Variants in DENND1A observed in about 807,000 individuals in gnomAD.
DENND1A encodes the protein DENN domain-containing protein 1A.
A neutral mutation model predicts 113.7 loss-of-function variants in DENND1A; 51 were observed. The observed-to-expected ratio is 0.45, with a 90% confidence interval of 0.36 to 0.57. DENND1A has a LOEUF of 0.57. DENND1A is among the 20% of genes least tolerant of loss of function. DENND1A has a pLI of 0.00. For missense variants in DENND1A, 1,258 were observed against 1,395.9 expected (o/e 0.90, Z 1.57); for synonymous variants, 565 against 570.8 (o/e 0.99, Z 0.14).
chr9:123,494,025 G>A (rs577668558), intron 13 of DENND1A, among the ~76,000 whole-genome samples: 12 of 152,280 alleles, frequency 7.9e-5, no homozygotes, highest in South Asian at 6.2e-4. Context: ...AGGGGTCTGG[G>A]CAAGTAGCCA....
At chr9:123,693,665 T>C (rs969741797) in intron 5 of DENND1A, among the ~76,000 whole-genome samples, 45 of 152,170 alleles carry the variant, frequency 3.0e-4, no homozygotes, top group African/African-American at 1.0e-3. Context: ...TTCATGGCAA[T>C]AGAGTTCCAT....
At chr9:123,763,755 T>G (rs1376809197) in intron 4 of DENND1A, among the ~76,000 whole-genome samples, 1 of 152,056 alleles carries the variant, frequency 6.6e-6, no homozygotes, top group Non-Finnish European at 1.5e-5. Flanking sequence ...AGTGGTCAAC[T>G]GTATTGATGC....
chr9:123,401,116 C>T (rs545246597), intron 21 of DENND1A: 1 of 152,602 alleles, frequency 6.6e-6, no homozygotes, highest in South Asian at 2.1e-4. Flanking sequence ...CTGCTGCCAG[C>T]CTGGCTTCTC....
intron 10 of DENND1A, among the ~76,000 whole-genome samples, chr9:123,613,544 C>A (rs540583152): frequency 1.3e-5 from 2 of 152,308 alleles, no homozygotes; most frequent in Non-Finnish European, 2.9e-5. Context: ...GAAATATCTG[C>A]TTCAGTAATA....
chr9:123,702,901 C>G (rs1186564068), intron 5 of DENND1A, among the ~76,000 whole-genome samples: 1 of 152,222 alleles, frequency 6.6e-6, no homozygotes, highest in African/African-American at 2.4e-5. Flanking sequence ...TTATAATACT[C>G]TAATGCCATA....
At chr9:123,866,126 A>G (rs1359690284) in intron 2 of DENND1A, among the ~76,000 whole-genome samples, 1 of 152,232 alleles carries the variant, frequency 6.6e-6, no homozygotes, top group African/African-American at 2.4e-5. Flanking sequence ...CAAGAAGTCA[A>G]TTCTATCATT....
At chr9:123,654,359 A>G (rs2062824455) in intron 8 of DENND1A, among the ~76,000 whole-genome samples, 1 of 152,232 alleles carries the variant, frequency 6.6e-6, no homozygotes, top group Non-Finnish European at 1.5e-5. Context: ...ACAGATCCAA[A>G]GATAACTCTG....
intron 2 of DENND1A, among the ~76,000 whole-genome samples, chr9:123,796,277 C>A (rs1261832670): frequency 2.0e-5 from 3 of 152,084 alleles, no homozygotes; most frequent in African/African-American, 7.2e-5. Flanking sequence ...CACTGAAGGC[C>A]ACAAGAAGCA....
chr9:123,442,232 G>T (rs1273207099), intron 18 of DENND1A, among the ~76,000 whole-genome samples: 1 of 152,172 alleles, frequency 6.6e-6, no homozygotes, highest in Admixed American at 6.5e-5. Flanking sequence ...AGTCTGTACT[G>T]CTTGGTAAAC....
intron 2 of DENND1A, among the ~76,000 whole-genome samples, chr9:123,829,763 T>C (rs1590262102): frequency 2.6e-5 from 4 of 152,300 alleles, no homozygotes; most frequent in South Asian, 2.1e-4. Context: ...CAAGCTCTTA[T>C]GGCTTCATTA....
intron 11 of DENND1A, among the ~76,000 whole-genome samples, chr9:123,592,617 T>C (rs1388572065): frequency 6.6e-6 from 1 of 152,232 alleles, no homozygotes; most frequent in African/African-American, 2.4e-5. Context: ...TATGTCCACC[T>C]TGTAAAAACT....
intron 21 of DENND1A, chr9:123,401,903 A>G (rs776369789): frequency 1.2e-6 from 2 of 1,614,138 alleles, no homozygotes; most frequent in East Asian, 2.2e-5. Context: ...CTGGTGTTGC[A>G]ATGGTGTTTC....
chr9:123,591,430 T>C (rs983773064), intron 11 of DENND1A, among the ~76,000 whole-genome samples: 2 of 151,912 alleles, frequency 1.3e-5, no homozygotes, highest in Non-Finnish European at 1.5e-5. Flanking sequence ...CTCAGCCGGG[T>C]TGGGAGCGTG....
chr9:123,761,030 T>C (rs2070994614), intron 4 of DENND1A, among the ~76,000 whole-genome samples: 1 of 152,148 alleles, frequency 6.6e-6, no homozygotes, highest in Non-Finnish European at 1.5e-5. Context: ...TAGGACTCGA[T>C]GAAAAGAAAA....
At chr9:123,541,120 C>T (rs2056256472) in intron 13 of DENND1A, among the ~76,000 whole-genome samples, 1 of 152,214 alleles carries the variant, frequency 6.6e-6, no homozygotes, top group Non-Finnish European at 1.5e-5. Flanking sequence ...ACTAGGACTT[C>T]ATTTTGTTCA....
intron 5 of DENND1A, among the ~76,000 whole-genome samples, chr9:123,706,933 G>A (rs1185916931): frequency 6.6e-6 from 1 of 152,146 alleles, no homozygotes; most frequent in Non-Finnish European, 1.5e-5. Flanking sequence ...AATTTTGGAT[G>A]TGTTATATAA....
At chr9:123,715,436 TA>T (rs1476917232) in intron 5 of DENND1A, among the ~76,000 whole-genome samples, 1 of 152,168 alleles carries the variant, frequency 6.6e-6, no homozygotes, top group African/African-American at 2.4e-5. Context: ...CACTGACTCA[TA>T]TAAAACTTCC....
chr9:123,669,260 C>A (rs2063642529), intron 7 of DENND1A, among the ~76,000 whole-genome samples: 1 of 152,016 alleles, frequency 6.6e-6, no homozygotes, highest in African/African-American at 2.4e-5. Context: ...ATGAGAGTAG[C>A]CCTTCACAAT....
At chr9:123,509,621 C>A (rs1238481770) in intron 13 of DENND1A, among the ~76,000 whole-genome samples, 1 of 152,152 alleles carries the variant, frequency 6.6e-6, no homozygotes, top group Non-Finnish European at 1.5e-5. Flanking sequence ...TTGGGTGGCA[C>A]CAAGCAAGCC....
Sources: gnomAD v4.1 joint callset for allele counts (sites outside exome capture counted in the v4.1 genomes callset) on GRCh38, gnomAD v4.1.1 for gene constraint, MANE v1.5 for transcripts, NCBI Gene and HGNC (gene_info 2026-07-23, HGNC 2026-07-21) for gene names.